ENPP3: variants seen among roughly 807,000 people sequenced by gnomAD.
ENPP3 encodes the protein ectonucleotide pyrophosphatase/phosphodiesterase family member 3.
In ENPP3, 104 loss-of-function variants were observed where a neutral mutation model predicts 117.8. The observed-to-expected ratio is 0.88, with a 90% CI of 0.75 to 1.04. ENPP3 has a LOEUF of 1.04. ENPP3 is among the 50% of genes least tolerant of loss of function. ENPP3 has a pLI of 0.00. For synonymous variants in ENPP3, 380 were observed against 349.9 expected (o/e 1.09, Z -0.96); for missense variants, 1,026 against 1,051.9 (o/e 0.98, Z 0.34).
intron 14 of ENPP3, among the ~76,000 whole-genome samples, chr6:131,689,765 A>G (rs1779237428): frequency 6.6e-6 from 1 of 152,252 alleles, no homozygotes. Flanking sequence ...GCAAAGTATT[A>G]TAAAGTGAAA....
intron 11 of ENPP3, among the ~76,000 whole-genome samples, chr6:131,679,030 T>TTCTTTCG (rs1562446908): frequency 2.9e-5 from 1 of 34,774 alleles, no homozygotes; most frequent in Non-Finnish European, 5.3e-5. Flanking sequence ...TCCTTCCTTC[T>TTCTTTCG]TTCTTTCTTT....
chr6:131,658,322 G>A lies in ENPP3; in HGVS notation c.465-1G>A. The stretch of plus-strand genomic sequence containing the variant: ...GGACAAATTTTGTTTTCCATTTTCA[G>A]GTTTGACCTGCCACCAGTTATCTTG... On this transcript the variant is annotated splice_acceptor_variant, in intron 5 of 24. Transcript: ENST00000357639. LOFTEE classifies it high-confidence loss of function. The A allele has an allele frequency of 6.3e-7, 1 of 1,587,520 alleles. No homozygotes were observed. Among genetic ancestry groups the A allele is most frequent in the South Asian group, 1.1e-5 (1 of 90,288 alleles).
chr6:131,713,327 A>T (rs1266662612), intron 15 of ENPP3, among the ~76,000 whole-genome samples: 3 of 151,144 alleles, frequency 2.0e-5, no homozygotes, highest in Admixed American at 6.6e-5. Flanking sequence ...CCTGCCAAGA[A>T]TTTTTTTCTA....
intron 15 of ENPP3, among the ~76,000 whole-genome samples, chr6:131,697,437 G>T (rs1218237005): frequency 6.9e-6 from 1 of 145,276 alleles, no homozygotes; most frequent in Non-Finnish European, 1.5e-5. Context: ...GGGGCGGGAA[G>T]GGGGGGTGGT....
At chr6:131,692,192 C>T (rs1779296001) in intron 14 of ENPP3, among the ~76,000 whole-genome samples, 1 of 151,776 alleles carries the variant, frequency 6.6e-6, no homozygotes, top group South Asian at 2.1e-4. Flanking sequence ...ATTTCGTTTC[C>T]TTTGTTTATG....
intron 6 of ENPP3, among the ~76,000 whole-genome samples, chr6:131,659,396 C>A (rs1028481829): frequency 8.5e-5 from 13 of 152,144 alleles, no homozygotes; most frequent in African/African-American, 2.4e-4. Flanking sequence ...CTCTTCACTG[C>A]CCTGCAATTC....
chr6:131,673,859 T>A (rs1035606587), intron 7 of ENPP3, among the ~76,000 whole-genome samples: 11 of 152,082 alleles, frequency 7.2e-5, no homozygotes, highest in Non-Finnish European at 7.4e-5. Flanking sequence ...TTATAAGTAA[T>A]CTAGAGATGA....
intron 3 of ENPP3, among the ~76,000 whole-genome samples, chr6:131,652,059 G>A (rs1438937793): frequency 2.0e-5 from 3 of 152,208 alleles, no homozygotes; most frequent in Non-Finnish European, 4.4e-5. Context: ...ATGAGTGGGA[G>A]CTGCTCTGTC....
At chr6:131,731,917 CTGGAGCTT>C in intron 20 of ENPP3, among the ~76,000 whole-genome samples, 1 of 152,314 alleles carries the variant, frequency 6.6e-6, no homozygotes. Flanking sequence ...AGTTTTCTAG[CTGGAGCTT>C]TGTAGTATGT....
At chr6:131,640,773 G>T (rs1481741210) in intron 1 of ENPP3, among the ~76,000 whole-genome samples, 2 of 152,142 alleles carry the variant, frequency 1.3e-5, no homozygotes, top group African/African-American at 4.8e-5. Flanking sequence ...AGGAAAGAGG[G>T]CAGCTAGAAG....
chr6:131,720,657 C>T (rs973749333), intron 17 of ENPP3, among the ~76,000 whole-genome samples: 1 of 152,186 alleles, frequency 6.6e-6, no homozygotes, highest in African/African-American at 2.4e-5. Context: ...TCCTGGCTCA[C>T]TGGAACCTCC....
In ENPP3 at chr6:131,738,073, C is replaced by T. The variant is rs555002321; in HGVS notation, c.2210C>T (p.Ala737Val). Residue 737 changes from alanine (A) to valine (V), a missense_variant, in exon 23 of 25, where the codon GCC becomes GTC. Ala to Val is a moderately conservative substitution (Grantham distance 64, BLOSUM62 0). Coordinates refer to ENST00000357639, the MANE Select transcript of ENPP3 (RefSeq NM_005021.5). ...YFHSVLLIKHATERNGVNVVS... is the reference protein window; with the variant it reads ...YFHSVLLIKHVTERNGVNVVS... ...CACAGTGTTCTTCTTATAAAACATG[C>T]CACAGAAAGAAATGGAGTAAATGTG... 14 of 1,603,916 alleles carry T rather than the reference C, an allele frequency of 8.7e-6. No individual in the cohort carries two copies. The highest frequency in any genetic ancestry group is 1.3e-5 in the African/African-American group (1 of 74,552).
chr6:131,720,146 A>G (rs1779982927), intron 16 of ENPP3, 146 bp from the exon 17 acceptor site: 2 of 529,832 alleles, frequency 3.8e-6, no homozygotes, highest in African/African-American at 3.9e-5. Context: ...AAATATGAAA[A>G]TCATTTTCAA....
intron 15 of ENPP3, among the ~76,000 whole-genome samples, chr6:131,702,205 A>G (rs1330288466): frequency 6.6e-6 from 1 of 152,070 alleles, no homozygotes. Flanking sequence ...ACTGATACAC[A>G]TGTCAAAGTC....
chr6:131,739,291 G>A lies in ENPP3; in HGVS notation c.2301-933G>A, dbSNP rs75170903. On this transcript the variant is annotated intron_variant, in intron 23 of 24. Transcript: ENST00000357639. ...GACTTTGCACTTAAAACTTTTGAAA[G>A]CACTTTCATGTTCGTTATCTGAAAC... Among the ~76,000 whole-genome samples, 278 of 152,096 alleles carry A rather than the reference G, an allele frequency of 1.8e-3. 1 individual carries two copies. The highest frequency in any genetic ancestry group is 6.3e-3 in the African/African-American group (260 of 41,434).
In ENPP3 at chr6:131,675,134, G is replaced by A. The variant is rs754458821; in HGVS notation, c.817G>A (p.Gly273Arg). 8.7e-6 allele frequency: 14 copies of A among 1,613,600 alleles called. No individual in the cohort carries two copies. The highest frequency in any genetic ancestry group is 4.5e-5 in the East Asian group (2 of 44,860). ...AAAAGCCGCTACCTACTTTTGGCCC[G>A]GATCAGAAGTGGCTATAAATGGCTC... Reference protein sequence around the residue: ...GLKAATYFWPGSEVAINGSFP... With the variant: ...GLKAATYFWPRSEVAINGSFP... Residue 273 changes from glycine (G) to arginine (R), a missense_variant, in exon 9 of 25, where the codon GGA becomes AGA. By Grantham distance (125) the Gly-to-Arg change is moderately radical (BLOSUM62 -2). Transcript: ENST00000357639.
chr6:131,677,963 G>GAA (rs374148120), intron 11 of ENPP3, 23 bp downstream of exon 11: 117 of 1,177,878 alleles, frequency 9.9e-5, no homozygotes, highest in African/African-American at 8.9e-4. Flanking sequence ...TTTCTTAAAA[G>GAA]AAAAAAAAAA....
intron 20 of ENPP3, among the ~76,000 whole-genome samples, chr6:131,729,866 CTT>C (rs926827599): frequency 1.4e-5 from 2 of 145,676 alleles, no homozygotes; most frequent in Non-Finnish European, 3.0e-5. Context: ...GAAAATGTGA[CTT>C]TTTTTTTTTA....
chr6:131,718,969 A>G (rs1240238848), intron 16 of ENPP3, among the ~76,000 whole-genome samples: 3 of 152,204 alleles, frequency 2.0e-5, no homozygotes, highest in Non-Finnish European at 1.5e-5. Flanking sequence ...AACAAAACAG[A>G]TTAAGATCCT....
Sources: gnomAD v4.1 joint callset for allele counts (sites outside exome capture counted in the v4.1 genomes callset) on GRCh38, gnomAD v4.1.1 for gene constraint, MANE v1.5 for transcripts, NCBI Gene and HGNC (gene_info 2026-07-23, HGNC 2026-07-21) for gene names.